The following RNF157 variants were observed in gnomAD, a reference collection of about 807,000 sequenced individuals.
RNF157 encodes E3 ubiquitin ligase RNF157.
Under a neutral mutation model 88.3 loss-of-function variants are expected in RNF157, and 55 were observed. That is an observed-to-expected ratio of 0.62 (90% CI 0.50 to 0.78). The LOEUF is 0.78. Ranked by LOEUF, RNF157 falls within the 30% of genes least tolerant of loss-of-function variation. The pLI is 0.00. For synonymous variants in RNF157, 334 were observed against 341.2 expected (o/e 0.98, Z 0.23); for missense variants, 788 against 860.8 (o/e 0.92, Z 1.06).
chr17:76,160,160 A>G lies in RNF157; in HGVS notation c.1066-587T>C, dbSNP rs1156319924. Among the ~76,000 whole-genome samples the G allele has an allele frequency of 6.6e-6, 1 of 152,172 alleles. No individual in the cohort carries two copies. The highest frequency in any genetic ancestry group is 1.9e-4 in the East Asian group (1 of 5,206). ...TCCTTTGTTTCTGAAGCCTCTTTATATATGTCCCCTTCTCATAGATCCCCT... is the reference window on the plus strand; with the variant it reads ...TCCTTTGTTTCTGAAGCCTCTTTATGTATGTCCCCTTCTCATAGATCCCCT... On this transcript the variant is annotated intron_variant, in intron 11 of 18. Transcript: ENST00000269391. This position sits in a 1 kb window ranked among gnomAD's most constrained non-coding sequence, Gnocchi z 4.3.
intron 2 of RNF157, among the ~76,000 whole-genome samples, chr17:76,205,737 A>G (rs1253548275): frequency 2.0e-5 from 3 of 150,492 alleles, no homozygotes; most frequent in Non-Finnish European, 3.0e-5. Context: ...ATAAATAAAT[A>G]AATAAATAAA....
chr17:76,225,315 T>C (rs2070061156), intron 1 of RNF157, among the ~76,000 whole-genome samples: 1 of 152,132 alleles, frequency 6.6e-6, no homozygotes, highest in South Asian at 2.1e-4. Context: ...CAAGACTCCA[T>C]CTCCACAAAA....
chr17:76,148,968 C>T (rs1213893151), intron 18 of RNF157, among the ~76,000 whole-genome samples: 1 of 152,206 alleles, frequency 6.6e-6, no homozygotes, highest in Non-Finnish European at 1.5e-5. Flanking sequence ...GTCTGCCAAA[C>T]TCCTCAGAGC....
At position 76,146,874 on chromosome 17, in the gene RNF157, A is replaced by G. The variant is rs1425712066; in HGVS notation, c.1922-1521T>C. Reference sequence around the variant, plus strand: ...TGAGAGAGGCCACTCACAAGTGTCCAGGGTCAGCCTCAGGCCAGCCCAGGA... The same window carrying G: ...TGAGAGAGGCCACTCACAAGTGTCCGGGGTCAGCCTCAGGCCAGCCCAGGA... On this transcript the variant is annotated intron_variant, in intron 18 of 18. Transcript: ENST00000269391. The surrounding 1 kb of genome is among the most constrained non-coding windows in gnomAD (Gnocchi z 4.2). 4 of 985,346 alleles carry G rather than the reference A, an allele frequency of 4.1e-6. No individual in the cohort carries two copies. The highest frequency in any genetic ancestry group is 5.2e-4 in the Middle Eastern group (1 of 1,936). The allele number at this position is 985,346 out of a possible 1,614,324, so 61.0% of individuals were successfully genotyped here.
intron 18 of RNF157, among the ~76,000 whole-genome samples, chr17:76,149,527 T>C (rs1309976956): frequency 6.6e-6 from 1 of 152,100 alleles, no homozygotes; most frequent in Non-Finnish European, 1.5e-5. Flanking sequence ...CGCCTATTTA[T>C]TCCACGGGAC....
At chr17:76,154,053 C>G (rs533500922) in intron 17 of RNF157, 1 of 531,018 alleles carries the variant, frequency 1.9e-6, no homozygotes. Context: ...CCTGCAGCAC[C>G]CGCACCTGAC....
Position 76,146,821 on chromosome 17 carries a change from G to T in RNF157, c.1922-1468C>A, listed in dbSNP as rs1017506624. On this transcript the variant is annotated intron_variant, in intron 18 of 18. Coordinates refer to ENST00000269391, the MANE Select transcript of RNF157 (RefSeq NM_052916.3). The surrounding 1 kb of genome is among the most constrained non-coding windows in gnomAD (Gnocchi z 4.2). ...GAGGACCTGTTCAGCGGACAAGGCC[G>T]ACCAACTGTAGAGTGTGGCCGTGAG... 67 of 985,290 alleles carry T rather than the reference G, an allele frequency of 6.8e-5. No homozygotes were observed. Among genetic ancestry groups the T allele is most frequent in the Non-Finnish European group, 7.8e-5 (65 of 829,888 alleles). 61.0% of individuals were successfully genotyped at this position (985,290 alleles called of 1,614,324 possible).
intron 2 of RNF157, among the ~76,000 whole-genome samples, chr17:76,202,148 A>T (rs1428308595): frequency 8.4e-4 from 127 of 150,654 alleles, no homozygotes; most frequent in Non-Finnish European, 1.1e-3. Context: ...ACACACACAC[A>T]CACACACACA....
chr17:76,210,601 A>AAAAAAAAAAAAAAG (rs777083177), intron 2 of RNF157, among the ~76,000 whole-genome samples: 1 of 148,418 alleles, frequency 6.7e-6, no homozygotes, highest in Non-Finnish European at 1.5e-5. Context: ...AAAAAAAAAA[A>AAAAAAAAAAAAAAG]AAAGAAAGAA....
chr17:76,186,227 C>T (rs1011957058), intron 2 of RNF157, among the ~76,000 whole-genome samples: 2 of 152,170 alleles, frequency 1.3e-5, no homozygotes, highest in African/African-American at 2.4e-5. Context: ...ATTTATGGGC[C>T]AGGTGCGGTG....
chr17:76,215,063 G>T (rs1674207290), intron 1 of RNF157, among the ~76,000 whole-genome samples: 1 of 152,018 alleles, frequency 6.6e-6, no homozygotes, highest in African/African-American at 2.4e-5. Flanking sequence ...TTAACACAAG[G>T]AACTTATTAA....
chr17:76,209,669 A>G (rs1234139700), intron 2 of RNF157, among the ~76,000 whole-genome samples: 2 of 152,188 alleles, frequency 1.3e-5, no homozygotes, highest in African/African-American at 2.4e-5. Flanking sequence ...AAAAATATAT[A>G]AACTATCTTT....
In RNF157 at chr17:76,240,063, G is replaced by C. The variant is rs2070352531; in HGVS notation, c.88+90C>G. On this transcript the variant is annotated intron_variant, in intron 1 of 18. Coordinates refer to ENST00000269391, the MANE Select transcript of RNF157 (RefSeq NM_052916.3). The surrounding 1 kb of genome is among the most constrained non-coding windows in gnomAD (Gnocchi z 4.4). ...CGTCCGCAACCACTGAGTCCCCGAAGACCCGCGGGGCCCCCTCAGGCCGTC... is the reference window on the plus strand; with the variant it reads ...CGTCCGCAACCACTGAGTCCCCGAACACCCGCGGGGCCCCCTCAGGCCGTC... The C allele has an allele frequency of 3.0e-6, 2 of 677,896 alleles. No individual in the cohort carries two copies. Among genetic ancestry groups the C allele is most frequent in the Non-Finnish European group, 4.0e-6 (2 of 499,134 alleles). The allele number at this position is 677,896 out of a possible 1,614,324, so 42.0% of individuals were successfully genotyped here.
chr17:76,211,130 T>G (rs1341104808), intron 2 of RNF157, among the ~76,000 whole-genome samples: 3 of 152,206 alleles, frequency 2.0e-5, no homozygotes, highest in Non-Finnish European at 4.4e-5. Context: ...GCCAGACTGG[T>G]TTCCTTATTT....
chr17:76,228,297 C>A (rs1208475427), intron 1 of RNF157, among the ~76,000 whole-genome samples: 1 of 152,178 alleles, frequency 6.6e-6, no homozygotes, highest in African/African-American at 2.4e-5. Context: ...AGTCCCAACC[C>A]CAACCCTGTA....
intron 18 of RNF157, among the ~76,000 whole-genome samples, chr17:76,149,392 A>G (rs1166674325): frequency 6.6e-6 from 1 of 151,970 alleles, no homozygotes; most frequent in Non-Finnish European, 1.5e-5. Flanking sequence ...ACTCAAGCAG[A>G]GACCAGGCGC....
At chr17:76,173,223 G>A (rs1297643921) in intron 3 of RNF157, among the ~76,000 whole-genome samples, 1 of 151,624 alleles carries the variant, frequency 6.6e-6, no homozygotes, top group African/African-American at 2.4e-5. Context: ...GAGATGGAGC[G>A]TGCAGTGAGC....
At position 76,200,250 on chromosome 17, in the gene RNF157, A is replaced by AC. The variant is rs370716524; in HGVS notation, c.207+12113_207+12114insG. 1.4e-3 allele frequency among the ~76,000 whole-genome samples: 214 copies of AC among 152,254 alleles called. 1 individual carries two copies. The highest frequency in any genetic ancestry group is 4.6e-3 in the African/African-American group (192 of 41,550). ...GAGCGGGACTCCGTCTTGTCAAAAA[A>AC]AAAAACAAAAACAAAAACCAAAAAA... is the stretch of plus-strand genomic sequence containing the variant. On this transcript the variant is annotated intron_variant, in intron 2 of 18. Coordinates refer to ENST00000269391, the MANE Select transcript of RNF157 (RefSeq NM_052916.3).
At chr17:76,192,521 GAAC>G (rs758387667) in intron 2 of RNF157, among the ~76,000 whole-genome samples, 4 of 152,112 alleles carry the variant, frequency 2.6e-5, no homozygotes, top group Admixed American at 6.6e-5. Context: ...ATGAATACAC[GAAC>G]AACAAGATCT....
Sources: gnomAD v4.1 joint callset for allele counts (sites outside exome capture counted in the v4.1 genomes callset) on GRCh38, gnomAD v4.1.1 for gene constraint, Gnocchi (gnomAD v3.1) non-coding constraint, MANE v1.5 for transcripts, NCBI Gene and HGNC (gene_info 2026-07-23, HGNC 2026-07-21) for gene names.